Variants in LSAMP observed in about 807,000 individuals in gnomAD.
LSAMP encodes the protein limbic system associated membrane protein.
LSAMP carries 7 observed loss-of-function variants against 38.6 expected under a neutral mutation model. The observed-to-expected ratio is 0.18, with a 90% CI of 0.10 to 0.34. The LOEUF (loss-of-function observed/expected upper bound fraction) is 0.34. Ranked by LOEUF, LSAMP falls within the 10% of genes least tolerant of loss-of-function variation. The pLI is 1.00. For missense variants in LSAMP, 313 were observed against 420.0 expected (o/e 0.75, Z 2.23); for synonymous variants, 154 against 166.8 (o/e 0.92, Z 0.59).
At chr3:116,131,089 C>T (rs1254595858) in intron 1 of LSAMP, among the ~76,000 whole-genome samples, 1 of 149,222 alleles carries the variant, frequency 6.7e-6, no homozygotes, top group African/African-American at 2.5e-5. Context: ...CTCCCAGGTT[C>T]ACGCCATTCT....
chr3:116,121,758 G>A (rs1454267075), intron 1 of LSAMP, among the ~76,000 whole-genome samples: 2 of 152,156 alleles, frequency 1.3e-5, no homozygotes, highest in Non-Finnish European at 2.9e-5. Flanking sequence ...CAAGACTCAG[G>A]TAAACTGGCT....
intron 3 of LSAMP, among the ~76,000 whole-genome samples, chr3:115,900,916 C>T (rs989439185): frequency 2.0e-5 from 3 of 152,170 alleles, no homozygotes; most frequent in East Asian, 3.9e-4. Context: ...ACAATTTTCT[C>T]ATTTATTTGG....
intron 3 of LSAMP, among the ~76,000 whole-genome samples, chr3:115,872,211 G>T (rs994960339): frequency 6.6e-6 from 1 of 152,130 alleles, no homozygotes; most frequent in Non-Finnish European, 1.5e-5. Context: ...TCTTGGGTGG[G>T]CATGTGTGTG....
intron 1 of LSAMP, among the ~76,000 whole-genome samples, chr3:116,154,975 C>T (rs1312694384): frequency 1.3e-5 from 2 of 151,896 alleles, no homozygotes; most frequent in East Asian, 3.9e-4. Context: ...TAATCCACTG[C>T]TTCAGATCTC....
At chr3:116,303,076 G>A (rs2047436026) in intron 1 of LSAMP, among the ~76,000 whole-genome samples, 1 of 151,374 alleles carries the variant, frequency 6.6e-6, no homozygotes, top group Non-Finnish European at 1.5e-5. Flanking sequence ...TGAAATTAAT[G>A]TGCACCCATG....
chr3:115,975,147 C>T (rs1268798230), intron 3 of LSAMP, among the ~76,000 whole-genome samples: 1 of 151,964 alleles, frequency 6.6e-6, no homozygotes, highest in Non-Finnish European at 1.5e-5. Flanking sequence ...TGGCTGAGCA[C>T]AGTGACTCAC....
At chr3:115,911,285 T>C (rs937813602) in intron 3 of LSAMP, among the ~76,000 whole-genome samples, 8 of 152,202 alleles carry the variant, frequency 5.3e-5, no homozygotes, top group Non-Finnish European at 1.2e-4. Flanking sequence ...TCTTCAATCA[T>C]TGAGAAACAT....
chr3:116,131,271 G>A lies in LSAMP; in HGVS notation c.156-44715C>T, dbSNP rs543199179. On this transcript the variant is annotated intron_variant, in intron 1 of 6. Coordinates refer to ENST00000490035, the MANE Select transcript of LSAMP (RefSeq NM_002338.5). ...CTCCCTAAGAGCTGGGATTACAGACGTGAGCCACCTCGCCCGGCCTAAGGT... is the reference window on the plus strand; with the variant it reads ...CTCCCTAAGAGCTGGGATTACAGACATGAGCCACCTCGCCCGGCCTAAGGT... Among the ~76,000 whole-genome samples, 186 of 152,038 alleles carry A rather than the reference G, an allele frequency of 1.2e-3. 4 individuals are homozygous for A. The highest frequency in any genetic ancestry group is 2.5e-3 in the Admixed American group (38 of 15,270).
At chr3:116,423,710 C>A (rs911671656) in intron 1 of LSAMP, among the ~76,000 whole-genome samples, 3 of 152,058 alleles carry the variant, frequency 2.0e-5, no homozygotes, top group Non-Finnish European at 4.4e-5. Flanking sequence ...GAACAGAGAG[C>A]GAGTACTGAA....
At chr3:116,307,816 A>G (rs1022886877) in intron 1 of LSAMP, among the ~76,000 whole-genome samples, 1 of 151,934 alleles carries the variant, frequency 6.6e-6, no homozygotes, top group Non-Finnish European at 1.5e-5. Context: ...ACTATACAGC[A>G]TTATAACCAC....
intron 2 of LSAMP, among the ~76,000 whole-genome samples, chr3:116,062,953 C>T (rs1351984465): frequency 6.6e-6 from 1 of 152,110 alleles, no homozygotes; most frequent in African/African-American, 2.4e-5. Flanking sequence ...GAAAGGACTA[C>T]AACATGAGAA....
chr3:116,152,609 G>T (rs973236083), intron 1 of LSAMP, among the ~76,000 whole-genome samples: 2 of 152,036 alleles, frequency 1.3e-5, no homozygotes, highest in African/African-American at 4.8e-5. Context: ...TATTTAATGA[G>T]CAACATCTAT....
At chr3:115,839,950 T>C (rs1934943114) in intron 6 of LSAMP, among the ~76,000 whole-genome samples, 1 of 152,232 alleles carries the variant, frequency 6.6e-6, no homozygotes, top group Admixed American at 6.5e-5. Flanking sequence ...ACTTCTGTTA[T>C]AGGGCATTGG....
chr3:116,018,115 T>C (rs1002098170), intron 3 of LSAMP, among the ~76,000 whole-genome samples: 10 of 152,148 alleles, frequency 6.6e-5, no homozygotes, highest in Admixed American at 2.0e-4. Flanking sequence ...GAGTTTAAGA[T>C]TGCTCTCCCA....
At chr3:115,851,824 T>C (rs1182652663) in intron 4 of LSAMP, among the ~76,000 whole-genome samples, 4 of 152,316 alleles carry the variant, frequency 2.6e-5, no homozygotes, top group South Asian at 2.1e-4. Context: ...ACACATCATA[T>C]AGATCCTCCC....
At chr3:116,213,467 T>A (rs2046186131) in intron 1 of LSAMP, among the ~76,000 whole-genome samples, 1 of 152,252 alleles carries the variant, frequency 6.6e-6, no homozygotes, top group African/African-American at 2.4e-5. Context: ...TGTGGAATTG[T>A]AAGTCCACTA....
intron 1 of LSAMP, among the ~76,000 whole-genome samples, chr3:116,315,548 A>T (rs2047617373): frequency 6.6e-6 from 1 of 152,220 alleles, no homozygotes; most frequent in Non-Finnish European, 1.5e-5. Context: ...ACAGAAAGAC[A>T]GTAGCCTGCC....
At chr3:116,186,258 CT>C (rs1442097626) in intron 1 of LSAMP, among the ~76,000 whole-genome samples, 4 of 152,116 alleles carry the variant, frequency 2.6e-5, no homozygotes, top group Non-Finnish European at 1.5e-5. Context: ...GGAAACTCTT[CT>C]TTATACCTAC....
In LSAMP at chr3:116,045,605, C is replaced by T. The variant is rs12488060; in HGVS notation, c.389-25965G>A. Among the ~76,000 whole-genome samples, 172 of 149,258 alleles carry T rather than the reference C, an allele frequency of 1.2e-3. 2 individuals are homozygous for T. The highest frequency in any genetic ancestry group is 0.01 in the Admixed American group (156 of 15,072). On this transcript the variant is annotated intron_variant, in intron 2 of 6. Transcript: ENST00000490035. ...AGGTCAGAGTTTTTCAAATCATCTC[C>T]AATTGCAAAGCAGTGAGAAACAAGC...
Sources: allele counts gnomAD v4.1 joint callset (sites outside exome capture counted in the v4.1 genomes callset), GRCh38; gene constraint gnomAD v4.1.1; transcripts MANE v1.5; gene names NCBI Gene and HGNC (gene_info 2026-07-23, HGNC 2026-07-21).